Variants in RPS6KC1 observed in about 807,000 individuals in gnomAD.
RPS6KC1 encodes the protein inactive ribosomal protein S6 kinase delta-1.
In RPS6KC1, 54 loss-of-function variants were observed where a neutral mutation model predicts 103.8. The ratio of observed to expected loss-of-function variants is 0.52; its 90% CI spans 0.42 to 0.65. The LOEUF (loss-of-function observed/expected upper bound fraction) is 0.65, where lower values mean the gene tolerates loss of function less well. Among genes scored for constraint, RPS6KC1 ranks in the 30% least tolerant of loss-of-function variants. RPS6KC1 has a pLI of 0.00. For missense variants in RPS6KC1, 1,151 were observed against 1,253.8 expected, an observed-to-expected ratio of 0.92 and a Z score of 1.24; for synonymous variants, 439 against 438.7, an observed-to-expected ratio of 1.00 and a Z score of -0.01.
At chr1:213,204,740 C>T (rs140509567) in intron 8 of RPS6KC1, among the ~76,000 whole-genome samples, 116 of 150,628 alleles carry the variant, frequency 7.7e-4, no homozygotes, top group Middle Eastern at 3.4e-3. Context: ...CCTTCTACTT[C>T]AGCCTCCTGT....
chr1:213,300,459 G>A, the RPS6KC1 span, among the ~76,000 whole-genome samples: 1 of 152,298 alleles, frequency 6.6e-6, no homozygotes, highest in South Asian at 2.1e-4. Flanking sequence ...TTTGGAAAAT[G>A]CAACCTGCCA....
chr1:213,070,796 A>G (rs1002174908), intron 1 of RPS6KC1, among the ~76,000 whole-genome samples: 3 of 152,352 alleles, frequency 2.0e-5, no homozygotes, highest in South Asian at 2.1e-4. Flanking sequence ...ATGTAGCCTA[A>G]GGGAGGTAAC....
At chr1:213,074,604 G>A (rs977151173) in intron 2 of RPS6KC1, among the ~76,000 whole-genome samples, 5 of 151,986 alleles carry the variant, frequency 3.3e-5, no homozygotes, top group Admixed American at 1.3e-4. Flanking sequence ...GACATTTTGC[G>A]ATGCTGTTAG....
At chr1:213,164,016 T>C (rs762726410) in intron 6 of RPS6KC1, among the ~76,000 whole-genome samples, 25 of 152,248 alleles carry the variant, frequency 1.6e-4, no homozygotes, top group Non-Finnish European at 3.2e-4. Context: ...AATTCAGTTA[T>C]GGTACTTTAT....
chr1:213,776,638 G>C, the RPS6KC1 span, among the ~76,000 whole-genome samples: 1 of 152,292 alleles, frequency 6.6e-6, no homozygotes, highest in East Asian at 1.9e-4. Flanking sequence ...AGAATTTTTA[G>C]AATGGTCATT....
At position 213,274,284 on chromosome 1, in the gene RPS6KC1, C is replaced by T. The variant is rs1023666915; in HGVS notation, c.*1650C>T. The T allele has an allele frequency of 1.3e-5, 2 of 152,158 alleles. No homozygotes were observed. The highest frequency in any genetic ancestry group is 6.5e-5 in the Admixed American group (1 of 15,278). 9.4% of individuals were successfully genotyped at this position (152,158 alleles called of 1,614,324 possible). A position where few individuals can be genotyped will look rare whatever the true frequency, so the allele number is the denominator to read the frequency against. On this transcript the variant is annotated 3_prime_UTR_variant, in exon 15 of 15. Transcript: ENST00000366960. ...TGCAGGTGAGACACAAGAATGACTT[C>T]CTGTGTAGGACTAGTAGGAAATCTG... is the stretch of plus-strand genomic sequence containing the variant.
rs2091881357 is a variant in RPS6KC1 at position 213,176,477 on chromosome 1, T to C, written c.1029T>C (p.Leu343=). The change falls in exon 8 of 15, where the codon CTT becomes CTC. Residue 343 remains leucine (L), a synonymous_variant. Coordinates refer to ENST00000366960, the MANE Select transcript of RPS6KC1 (RefSeq NM_012424.6). ...PAEELKAFRV[L]GVIDKVLLVM... is the part of the protein sequence containing the mutation. Reference sequence around the variant, plus strand: ...AGGAGCTGAAGGCCTTCAGAGTCCTTGGGGTGATTGACAAGGTAATTCTTC... The same window carrying C: ...AGGAGCTGAAGGCCTTCAGAGTCCTCGGGGTGATTGACAAGGTAATTCTTC... 1 of 1,599,270 alleles carries C rather than the reference T, an allele frequency of 6.3e-7. No individual in the cohort carries two copies. The highest frequency in any genetic ancestry group is 8.6e-7 in the Non-Finnish European group (1 of 1,168,862).
chr1:213,461,290 A>G, the RPS6KC1 span, among the ~76,000 whole-genome samples: 2 of 152,344 alleles, frequency 1.3e-5, no homozygotes, highest in African/African-American at 4.8e-5. Context: ...AGAGGACACA[A>G]ACAAATGGAA....
At chr1:213,089,803 C>T (rs1277466759) in intron 3 of RPS6KC1, among the ~76,000 whole-genome samples, 1 of 152,014 alleles carries the variant, frequency 6.6e-6, no homozygotes, top group African/African-American at 2.4e-5. Context: ...GTTTACATGC[C>T]AAAAATCTAT....
At chr1:213,562,360 T>G in the RPS6KC1 span, among the ~76,000 whole-genome samples, 250 of 4,222 alleles carry the variant, frequency 0.059, no homozygotes, top group African/African-American at 0.11. Flanking sequence ...AAAAGTTCTG[T>G]TTTTTTTTTT....
intron 12 of RPS6KC1, among the ~76,000 whole-genome samples, chr1:213,257,842 C>T (rs1190403545): frequency 4.7e-5 from 6 of 128,296 alleles, no homozygotes; most frequent in African/African-American, 1.5e-4. Flanking sequence ...CTTACTCTGT[C>T]GCCCAGGCTG....
At chr1:213,608,922 A>G in the RPS6KC1 span, among the ~76,000 whole-genome samples, 8 of 152,144 alleles carry the variant, frequency 5.3e-5, no homozygotes, top group Admixed American at 3.3e-4. Flanking sequence ...GTTGTTTAGC[A>G]TTTAGGCTAT....
the RPS6KC1 span, among the ~76,000 whole-genome samples, chr1:213,500,969 T>C: frequency 3.9e-5 from 6 of 152,254 alleles, no homozygotes; most frequent in African/African-American, 1.4e-4. Context: ...ATAAACTTAT[T>C]GAAAGAAAAC....
chr1:213,552,429 G>A, the RPS6KC1 span, among the ~76,000 whole-genome samples: 1 of 152,104 alleles, frequency 6.6e-6, no homozygotes, highest in Admixed American at 6.5e-5. Flanking sequence ...GTGTACAGTG[G>A]CATCTCATTG....
intron 8 of RPS6KC1, among the ~76,000 whole-genome samples, chr1:213,195,308 G>A (rs1176611169): frequency 1.3e-5 from 2 of 152,192 alleles, no homozygotes; most frequent in Non-Finnish European, 2.9e-5. Flanking sequence ...GCCTATAATA[G>A]TATACTGTAG....
the RPS6KC1 span, among the ~76,000 whole-genome samples, chr1:213,396,586 TC>T: frequency 6.6e-6 from 1 of 152,198 alleles, no homozygotes; most frequent in Admixed American, 6.5e-5. Context: ...AGCTTTGGGT[TC>T]ACTACCTTCT....
chr1:213,166,616 T>A (rs1378981966), intron 6 of RPS6KC1, among the ~76,000 whole-genome samples: 1 of 152,056 alleles, frequency 6.6e-6, no homozygotes, highest in Non-Finnish European at 1.5e-5. Context: ...GCAATAGAAA[T>A]TTTCCCCCCA....
the RPS6KC1 span, among the ~76,000 whole-genome samples, chr1:213,286,378 GAT>G: frequency 6.6e-6 from 1 of 152,150 alleles, no homozygotes; most frequent in African/African-American, 2.4e-5. Flanking sequence ...CATTTTATAA[GAT>G]AACACAGAAA....
At chr1:213,659,805 C>G in the RPS6KC1 span, among the ~76,000 whole-genome samples, 4 of 152,080 alleles carry the variant, frequency 2.6e-5, no homozygotes, top group Non-Finnish European at 1.5e-5. Flanking sequence ...AAATAAATAT[C>G]TTTGGATCAA....
Sources: gnomAD v4.1 joint callset for allele counts (sites outside exome capture counted in the v4.1 genomes callset) on GRCh38, gnomAD v4.1.1 for gene constraint, MANE v1.5 for transcripts, NCBI Gene and HGNC (gene_info 2026-07-23, HGNC 2026-07-21) for gene names.